PTPN13: variants seen among roughly 807,000 people sequenced by gnomAD.
PTPN13 encodes the protein protein tyrosine phosphatase non-receptor type 13, also known as tyrosine-protein phosphatase non-receptor type 13.
PTPN13 carries 191 observed loss-of-function variants against 284.0 expected under a neutral mutation model. The observed-to-expected ratio is 0.67, with a 90% CI of 0.60 to 0.76. The LOEUF (loss-of-function observed/expected upper bound fraction) is 0.76, where lower values mean the gene tolerates loss of function less well. PTPN13 is among the 30% of genes least tolerant of loss of function. The pLI, the probability that PTPN13 is intolerant of heterozygous loss-of-function variation, is 0.00. For synonymous variants in PTPN13, 986 were observed against 1,022.3 expected (o/e 0.96, Z 0.68); for missense variants, 2,797 against 2,939.9 (o/e 0.95, Z 1.12).
At chr4:86,780,595 A>C in intron 36 of PTPN13, 123 bp downstream of exon 36, 1 of 701,750 alleles carries the variant, frequency 1.4e-6, no homozygotes, top group Non-Finnish European at 2.5e-6. Flanking sequence ...AATATAATCC[A>C]GCTTTTTCAC....
chr4:86,627,607 A>C (rs147419289), intron 1 of PTPN13, among the ~76,000 whole-genome samples: 1 of 152,054 alleles, frequency 6.6e-6, no homozygotes, highest in African/African-American at 2.4e-5. Context: ...TGACATATGT[A>C]TGTACCTATG....
chr4:86,732,450 T>C lies in PTPN13; in HGVS notation c.1659T>C (p.Ser553=). The change falls in exon 11 of 48, where the codon TCT becomes TCC. Residue 553 remains serine (S), a synonymous_variant. Coordinates refer to ENST00000411767, the MANE Select transcript of PTPN13 (RefSeq NM_080683.3). ...AAATGACAATTGAACCATTTATATC[T>C]TTGGATTTGCCACGGTCTATTCTTG... The part of the protein sequence containing the change: ...FVKMTIEPFI[S]LDLPRSILTK... 6.2e-7 allele frequency: 1 copy of C among 1,602,314 alleles called. No homozygotes were observed. Among genetic ancestry groups the C allele is most frequent in the Non-Finnish European group, 8.5e-7 (1 of 1,173,368 alleles).
intron 2 of PTPN13, among the ~76,000 whole-genome samples, chr4:86,636,618 T>C (rs1266937754): frequency 6.6e-6 from 1 of 152,108 alleles, no homozygotes; most frequent in Non-Finnish European, 1.5e-5. Flanking sequence ...AAAGATGTTC[T>C]TTGAAACCAA....
chr4:86,772,908 T>A lies in PTPN13; in HGVS notation c.5299T>A (p.Trp1767Arg). 6.2e-7 allele frequency: 1 copy of A among 1,610,694 alleles called. No individual in the cohort carries two copies. ...HISEPTRQEN[W>R]TPLKNDLENH... ...TTCTGAACCAACTAGACAAGAAAACTGGACACCTTTGAAAAATGACTTGGA... is the reference window on the plus strand; with the variant it reads ...TTCTGAACCAACTAGACAAGAAAACAGGACACCTTTGAAAAATGACTTGGA... The change falls in exon 32 of 48, where the codon TGG becomes AGG. Residue 1767 changes from tryptophan (W) to arginine (R), a missense_variant. By Grantham distance (101) the Trp-to-Arg change is moderately radical. Coordinates refer to ENST00000411767, the MANE Select transcript of PTPN13 (RefSeq NM_080683.3).
intron 15 of PTPN13, among the ~76,000 whole-genome samples, chr4:86,737,968 TC>T (rs756440496): frequency 6.6e-6 from 1 of 152,328 alleles, no homozygotes; most frequent in East Asian, 1.9e-4. Context: ...GACCTTGTGA[TC>T]CGCCCACCTT....
chr4:86,737,456 A>G (rs1322352345), intron 15 of PTPN13, among the ~76,000 whole-genome samples: 2 of 151,990 alleles, frequency 1.3e-5, no homozygotes, highest in African/African-American at 4.8e-5. Flanking sequence ...CTATAACAGC[A>G]AAGTCCAGTC....
chr4:86,763,600 T>C (rs758433065), intron 24 of PTPN13, among the ~76,000 whole-genome samples: 8 of 152,220 alleles, frequency 5.3e-5, no homozygotes, highest in Non-Finnish European at 1.0e-4. Context: ...TGAATGATGA[T>C]AACGACATTG....
intron 7 of PTPN13, among the ~76,000 whole-genome samples, chr4:86,709,301 T>C (rs146204941): frequency 6.6e-6 from 1 of 152,266 alleles, no homozygotes; most frequent in East Asian, 1.9e-4. Flanking sequence ...GGGCTGTTTT[T>C]CATTGAAATT....
chr4:86,702,164 A>G lies in PTPN13; in HGVS notation c.1195+363A>G, dbSNP rs372574207. Reference sequence around the variant, plus strand: ...CATGCACTATCTCATGGGAGGCTTCAGTAAATAACTGGTTTGTGGAAATAA... The same window carrying G: ...CATGCACTATCTCATGGGAGGCTTCGGTAAATAACTGGTTTGTGGAAATAA... On this transcript the variant is annotated intron_variant, in intron 7 of 47. Transcript: ENST00000411767. Among the ~76,000 whole-genome samples the G allele has an allele frequency of 5.3e-5, 8 of 152,344 alleles. No homozygotes were observed. In the East Asian group the frequency reaches 1.5e-3, roughly 29 times the overall value.
intron 6 of PTPN13, among the ~76,000 whole-genome samples, chr4:86,696,823 A>AT (rs950734999): frequency 1.3e-5 from 2 of 151,594 alleles, no homozygotes; most frequent in African/African-American, 2.4e-5. Context: ...TTGTGTTTCT[A>AT]TTTTTTTTAG....
At chr4:86,743,982 A>G (rs1397678290) in intron 16 of PTPN13, among the ~76,000 whole-genome samples, 1 of 152,206 alleles carries the variant, frequency 6.6e-6, no homozygotes, top group Non-Finnish European at 1.5e-5. Context: ...CTCTTAAGGC[A>G]TGGGTCACCA....
intron 2 of PTPN13, among the ~76,000 whole-genome samples, chr4:86,662,657 T>C (rs935658981): frequency 6.6e-6 from 1 of 152,190 alleles, no homozygotes; most frequent in Non-Finnish European, 1.5e-5. Flanking sequence ...AAACCACTTT[T>C]AAGCAAACTG....
chr4:86,708,626 A>G (rs533640418), intron 7 of PTPN13, among the ~76,000 whole-genome samples: 1 of 152,258 alleles, frequency 6.6e-6, no homozygotes, highest in East Asian at 1.9e-4. Flanking sequence ...GTCTTAAGAA[A>G]GATCGAAAAT....
intron 3 of PTPN13, among the ~76,000 whole-genome samples, chr4:86,680,417 G>A (rs1365526122): frequency 1.4e-5 from 2 of 144,912 alleles, no homozygotes; most frequent in East Asian, 2.0e-4. Context: ...CTCTATCTCT[G>A]TCTCCATCTC....
chr4:86,689,297 T>A, intron 5 of PTPN13, 107 bp downstream of exon 5: 1 of 871,766 alleles, frequency 1.1e-6, no homozygotes, highest in Non-Finnish European at 1.7e-6. Context: ...CAATGAAGAC[T>A]AGAAATGGAA....
At chr4:86,601,381 C>A (rs1255226440) in intron 1 of PTPN13, among the ~76,000 whole-genome samples, 3 of 152,138 alleles carry the variant, frequency 2.0e-5, no homozygotes, top group Non-Finnish European at 2.9e-5. Context: ...TGTGTTATTA[C>A]ATAGTACCCA....
intron 1 of PTPN13, among the ~76,000 whole-genome samples, chr4:86,598,032 A>G (rs1246376160): frequency 6.6e-6 from 1 of 152,214 alleles, no homozygotes; most frequent in African/African-American, 2.4e-5. Flanking sequence ...ATCCTTCTGC[A>G]TAGTATAAAA....
intron 43 of PTPN13, 60 bp downstream of exon 43, chr4:86,803,917 A>G (rs761070913): frequency 2.8e-5 from 43 of 1,552,002 alleles, no homozygotes; most frequent in Non-Finnish European, 3.7e-5. Flanking sequence ...TGTAAGGAAA[A>G]TGTATCTTTA....
chr4:86,595,165 G>A (rs1349239794), intron 1 of PTPN13, among the ~76,000 whole-genome samples: 3 of 152,102 alleles, frequency 2.0e-5, no homozygotes, highest in African/African-American at 7.2e-5. Flanking sequence ...GTGCTTAAGG[G>A]AAGGGCTCCC....
Sources: allele counts gnomAD v4.1 joint callset (sites outside exome capture counted in the v4.1 genomes callset), GRCh38; gene constraint gnomAD v4.1.1; transcripts MANE v1.5; gene names NCBI Gene and HGNC (gene_info 2026-07-23, HGNC 2026-07-21).